The following ITGA9 variants were observed in gnomAD, a reference collection of about 807,000 sequenced individuals.
The protein encoded by ITGA9 is integrin alpha-9.
In ITGA9, 56 loss-of-function variants were observed where a neutral mutation model predicts 127.8. That is an observed-to-expected ratio of 0.44 (90% CI 0.35 to 0.55). ITGA9 has a LOEUF of 0.55. Among genes scored for constraint, ITGA9 ranks in the 20% least tolerant of loss-of-function variants. The pLI, the probability that ITGA9 is intolerant of heterozygous loss-of-function variation, is 0.00. For synonymous variants in ITGA9, 508 were observed against 514.5 expected, an observed-to-expected ratio of 0.99 and a Z score of 0.17; for missense variants, 1,196 against 1,347.1, an observed-to-expected ratio of 0.89 and a Z score of 1.76.
Position 37,712,581 on chromosome 3 carries a change from T to C in ITGA9, c.2068-20131T>C, listed in dbSNP as rs538208999. On this transcript the variant is annotated intron_variant, in intron 18 of 27. Coordinates refer to ENST00000264741, the MANE Select transcript of ITGA9 (RefSeq NM_002207.3). ...ACCTGGGGTTGGCTTCGACCACAGC[T>C]TCTGGTTGGACCTCTGGAAGTTGTC... 4.6e-5 allele frequency among the ~76,000 whole-genome samples: 7 copies of C among 152,328 alleles called. No homozygotes were observed. In the South Asian group the frequency reaches 1.5e-3, roughly 32 times the overall value.
rs139871686 is a variant in ITGA9, at chr3:37,719,086, C to A, written c.2068-13626C>A. On this transcript the variant is annotated intron_variant, in intron 18 of 27. Coordinates refer to ENST00000264741, the MANE Select transcript of ITGA9 (RefSeq NM_002207.3). ...AACAAAGTGTCATATTGGGATTCATCTGTGGCAGTTTGCAGAACATATCAG... is the reference window on the plus strand; with the variant it reads ...AACAAAGTGTCATATTGGGATTCATATGTGGCAGTTTGCAGAACATATCAG... Among the ~76,000 whole-genome samples, 65 of 152,346 alleles carry A rather than the reference C, an allele frequency of 4.3e-4. No homozygotes were observed. In the East Asian group the frequency reaches 0.01, roughly 24 times the overall value.
At chr3:37,514,175 C>T (rs1037038946) in intron 9 of ITGA9, among the ~76,000 whole-genome samples, 3 of 152,120 alleles carry the variant, frequency 2.0e-5, no homozygotes, top group African/African-American at 7.2e-5. Context: ...CTGCTTTCTG[C>T]GAGAGATTTC....
chr3:37,588,993 T>C (rs1393570359), intron 15 of ITGA9, among the ~76,000 whole-genome samples: 2 of 152,198 alleles, frequency 1.3e-5, no homozygotes, highest in African/African-American at 4.8e-5. Context: ...CAGAAGATGT[T>C]TACACAAAGC....
chr3:37,734,220 G>A (rs1696331223), intron 19 of ITGA9, among the ~76,000 whole-genome samples: 1 of 152,226 alleles, frequency 6.6e-6, no homozygotes, highest in African/African-American at 2.4e-5. Context: ...TGGATTACAT[G>A]TGGATGGCAG....
intron 23 of ITGA9, among the ~76,000 whole-genome samples, chr3:37,750,788 G>T (rs1021922029): frequency 1.3e-5 from 2 of 152,248 alleles, no homozygotes; most frequent in African/African-American, 4.8e-5. Flanking sequence ...TTTGGAGATG[G>T]GGAAGAGTTA....
chr3:37,556,049 C>G (rs1434873605), intron 15 of ITGA9, among the ~76,000 whole-genome samples: 1 of 152,254 alleles, frequency 6.6e-6, no homozygotes, highest in Non-Finnish European at 1.5e-5. Flanking sequence ...GATGCTCTTG[C>G]TAGTGCTGGG....
At chr3:37,577,421 C>T (rs1699664437) in intron 15 of ITGA9, among the ~76,000 whole-genome samples, 1 of 152,246 alleles carries the variant, frequency 6.6e-6, no homozygotes, top group African/African-American at 2.4e-5. Context: ...TCATAGCTGA[C>T]ATCAAATGGA....
At chr3:37,729,103 G>C (rs1027019918) in intron 18 of ITGA9, among the ~76,000 whole-genome samples, 1 of 151,264 alleles carries the variant, frequency 6.6e-6, no homozygotes, top group African/African-American at 2.4e-5. Context: ...TCTAGTAAGG[G>C]GTTCTGAGTG....
At chr3:37,650,076 G>A (rs965196516) in intron 16 of ITGA9, among the ~76,000 whole-genome samples, 3 of 152,348 alleles carry the variant, frequency 2.0e-5, no homozygotes, top group Admixed American at 2.0e-4. Context: ...TAGCCTGCAA[G>A]TTGATGTGGC....
chr3:37,586,407 G>T (rs1438235879), intron 15 of ITGA9, among the ~76,000 whole-genome samples: 1 of 152,154 alleles, frequency 6.6e-6, no homozygotes, highest in South Asian at 2.1e-4. Flanking sequence ...TCTAGGCAGG[G>T]GGAAGCTCTG....
intron 27 of ITGA9, among the ~76,000 whole-genome samples, chr3:37,815,853 T>C (rs1049376092): frequency 1.3e-5 from 2 of 152,160 alleles, no homozygotes; most frequent in South Asian, 4.1e-4. Context: ...GTGGGGCAGT[T>C]TGAGCTCAGC....
chr3:37,679,987 T>C (rs1309357593), intron 17 of ITGA9, among the ~76,000 whole-genome samples: 1 of 151,980 alleles, frequency 6.6e-6, no homozygotes, highest in Non-Finnish European at 1.5e-5. Flanking sequence ...GGGCTCATAA[T>C]GGGAGGATTT....
At chr3:37,675,884 C>T (rs1268812764) in intron 17 of ITGA9, among the ~76,000 whole-genome samples, 13 of 151,446 alleles carry the variant, frequency 8.6e-5, no homozygotes, top group Non-Finnish European at 1.5e-5. Flanking sequence ...GCTGGGACTA[C>T]AGGTGTGCAC....
intron 17 of ITGA9, among the ~76,000 whole-genome samples, chr3:37,679,314 A>T (rs941160320): frequency 6.6e-6 from 1 of 152,098 alleles, no homozygotes; most frequent in Admixed American, 6.5e-5. Flanking sequence ...CAAAAACTCT[A>T]TGCTTGATCG....
chr3:37,468,121 C>T (rs1247150646), intron 1 of ITGA9, among the ~76,000 whole-genome samples: 1 of 152,004 alleles, frequency 6.6e-6, no homozygotes, highest in African/African-American at 2.4e-5. Flanking sequence ...GCTGTGGGTT[C>T]CAGCCCTGCT....
chr3:37,624,611 T>C (rs1387740255), intron 15 of ITGA9, among the ~76,000 whole-genome samples: 1 of 150,872 alleles, frequency 6.6e-6, no homozygotes, highest in Non-Finnish European at 1.5e-5. Flanking sequence ...TTATTTATTT[T>C]ATTTATTTAT....
chr3:37,784,140 A>G lies in ITGA9; in HGVS notation c.2788-837A>G, dbSNP rs1482403521. Among the ~76,000 whole-genome samples, 5 of 152,196 alleles carry G rather than the reference A, an allele frequency of 3.3e-5. No individual in the cohort carries two copies. The East Asian group carries it at 9.6e-4, about 29-fold the overall frequency. Reference sequence around the variant, plus strand: ...ATGTTGAATGCACTAGTTCTCTGCTATCTGTTTCCACGACAGAAGCCAGGC... The same window carrying G: ...ATGTTGAATGCACTAGTTCTCTGCTGTCTGTTTCCACGACAGAAGCCAGGC... On this transcript the variant is annotated intron_variant, in intron 25 of 27. Coordinates refer to ENST00000264741, the MANE Select transcript of ITGA9 (RefSeq NM_002207.3).
chr3:37,733,474 A>G (rs1177882161), intron 19 of ITGA9, among the ~76,000 whole-genome samples: 2 of 145,276 alleles, frequency 1.4e-5, no homozygotes, highest in African/African-American at 5.2e-5. Context: ...TGGAAATGGA[A>G]GCTATTTTCC....
rs146022678 is a variant in ITGA9 at position 37,661,378 on chromosome 3, C to T, written c.1916+7588C>T. Among the ~76,000 whole-genome samples the T allele has an allele frequency of 9.9e-4, 150 of 152,242 alleles. 2 individuals are homozygous for T. Among genetic ancestry groups the T allele is most frequent in the East Asian group, 4.6e-3 (24 of 5,174 alleles). ...TGGCCTCTCAAAATAGCCTTTTGGC[C>T]GAATCCTCCATTAAAGAAACCTTCG... On this transcript the variant is annotated intron_variant, in intron 17 of 27. Transcript: ENST00000264741.
Sources: allele counts gnomAD v4.1 joint callset (sites outside exome capture counted in the v4.1 genomes callset), GRCh38; gene constraint gnomAD v4.1.1; transcripts MANE v1.5; gene names NCBI Gene and HGNC (gene_info 2026-07-23, HGNC 2026-07-21).